The following ADA2 variants were observed in gnomAD, a reference collection of about 807,000 sequenced individuals.
The protein encoded by ADA2 is adenosine deaminase 2.
Under a neutral mutation model 44.2 loss-of-function variants are expected in ADA2, and 29 were observed. The observed-to-expected ratio is 0.66, with a 90% CI of 0.49 to 0.89. The LOEUF (loss-of-function observed/expected upper bound fraction) is 0.89. ADA2 is among the 40% of genes least tolerant of loss of function. ADA2 has a pLI of 0.00. For synonymous variants in ADA2, 215 were observed against 234.9 expected (o/e 0.92, Z 0.77); for missense variants, 637 against 644.8 (o/e 0.99, Z 0.13).
intron 4 of ADA2, among the ~76,000 whole-genome samples, chr22:17,196,320 T>TC (rs1284762409): frequency 4.0e-5 from 3 of 75,696 alleles, no homozygotes; most frequent in Non-Finnish European, 5.4e-5. Flanking sequence ...TGAAACTCCA[T>TC]CCCAAAAAAA....
intron 1 of ADA2, among the ~76,000 whole-genome samples, chr22:17,210,732 G>C (rs1401547733): frequency 6.6e-6 from 1 of 151,900 alleles, no homozygotes; most frequent in African/African-American, 2.4e-5. Flanking sequence ...CAAGTGGCTG[G>C]GACTACAGGC....
At chr22:17,193,348 G>A (rs28514865) in intron 4 of ADA2, 3 of 74,892 alleles carry the variant, frequency 4.0e-5, no homozygotes, top group South Asian at 1.8e-4. Context: ...AAATAAAACC[G>A]TAAAAACTGC....
chr22:17,200,328 G>A (rs767679073), intron 4 of ADA2, among the ~76,000 whole-genome samples: 1 of 152,094 alleles, frequency 6.6e-6, no homozygotes, highest in South Asian at 2.1e-4. Context: ...CTCAATAAAA[G>A]ATGAGACCCT....
In ADA2 at chr22:17,180,808, A is replaced by G. The variant is rs2061959930; in HGVS notation, c.*675T>C. 1 of 152,238 alleles carries G rather than the reference A, an allele frequency of 6.6e-6. No homozygotes were observed. Among genetic ancestry groups the G allele is most frequent in the Admixed American group, 6.6e-5 (1 of 15,266 alleles). 9.4% of individuals were successfully genotyped at this position (152,238 alleles called of 1,614,324 possible). A position where few individuals can be genotyped will look rare whatever the true frequency, so the allele number is the denominator to read the frequency against. ...ATGAGACCACCCAGGAAAAGTGTAC[A>G]GAGAGAGAAGAGAAATAAAGAGGAG... On this transcript the variant is annotated 3_prime_UTR_variant, in exon 10 of 10. Transcript: ENST00000399837.
chr22:17,207,922 C>T (rs2062373184), intron 2 of ADA2, among the ~76,000 whole-genome samples: 1 of 152,112 alleles, frequency 6.6e-6, no homozygotes, highest in African/African-American at 2.4e-5. Flanking sequence ...AGTTGAATCC[C>T]CATGCTTGTC....
rs1568967612 is a variant in ADA2, at chr22:17,183,454, C to CTATTTTTTTTTTTTTT, written c.1082-694_1082-693insAAAAAAAAAAAAAATA. On this transcript the variant is annotated intron_variant, in intron 7 of 9. Coordinates refer to ENST00000399837, the MANE Select transcript of ADA2 (RefSeq NM_001282225.2). ...CTTTCCTTCTTCCTCTTTTGTGGCA[C>CTATTTTTTTTTTTTTT]TCTTTTTTTTTTTTTTTTTTTTTTG... Among the ~76,000 whole-genome samples the CTATTTTTTTTTTTTTT allele has an allele frequency of 2.6e-5, 2 of 76,138 alleles. 1 individual carries two copies. The allele number at this position is 76,138 out of a possible 152,430, so 49.9% of individuals were successfully genotyped here. A position where few individuals can be genotyped will look rare whatever the true frequency, so the allele number is the denominator to read the frequency against.
intron 6 of ADA2, among the ~76,000 whole-genome samples, chr22:17,189,285 G>A (rs2062084229): frequency 6.6e-6 from 1 of 152,022 alleles, no homozygotes; most frequent in Admixed American, 6.6e-5. Context: ...CCAAAGTGCT[G>A]AGGGCATGAG....
rs112568426 is a variant in ADA2, at chr22:17,187,326, C to CT, written c.1081+1012dup. On this transcript the variant is annotated intron_variant, in intron 7 of 9. Transcript: ENST00000399837. The stretch of plus-strand genomic sequence containing the variant: ...TGAGCCACTGTACCTGGCTAAAACA[C>CT]TTTTTTTTTTGAGACAGGGTCTAGC... Among the ~76,000 whole-genome samples, 518 of 149,236 alleles carry CT rather than the reference C, an allele frequency of 3.5e-3. 3 individuals carry two copies. The highest frequency in any genetic ancestry group is 8.8e-3 in the African/African-American group (358 of 40,792).
At chr22:17,202,154 C>CAG (rs111720564) in intron 4 of ADA2, among the ~76,000 whole-genome samples, 12,570 of 146,884 alleles carry the variant, frequency 0.086, 596 homozygotes, top group Middle Eastern at 0.16. Flanking sequence ...TTTTTTGAGA[C>CAG]AGTCTCACTC....
At chr22:17,199,562 C>T (rs1414117591) in intron 4 of ADA2, 1 of 1,610,462 alleles carries the variant, frequency 6.2e-7, no homozygotes, top group Non-Finnish European at 8.5e-7. Flanking sequence ...AGCCCAGTTC[C>T]ATTCCAGGGA....
chr22:17,209,301 A>C (rs1332049111), intron 2 of ADA2, 55 bp downstream of exon 2: 1 of 1,433,200 alleles, frequency 7.0e-7, no homozygotes, highest in Non-Finnish European at 9.7e-7. Context: ...TAATAGCCCC[A>C]AGATGAGTCC....
At chr22:17,199,437 C>A in intron 4 of ADA2, 1 of 1,046,946 alleles carries the variant, frequency 9.6e-7, no homozygotes, top group Non-Finnish European at 1.5e-6. Flanking sequence ...CTCCTCTATC[C>A]TCTTCCCCTC....
chr22:17,199,440 T>TTCCCCTCCCACCCCTCCACTATCCTCA, intron 4 of ADA2: 1 of 1,027,938 alleles, frequency 9.7e-7, no homozygotes, highest in Non-Finnish European at 1.5e-6. Context: ...CTCTATCCTC[T>TTCCCCTCCCACCCCTCCACTATCCTCA]TCCCCTCCAC....
intron 9 of ADA2, 36 bp from the exon 10 acceptor site, chr22:17,181,612 G>A (rs1266313619): frequency 6.8e-7 from 1 of 1,468,424 alleles, no homozygotes; most frequent in Non-Finnish European, 9.5e-7. Flanking sequence ...CAGCCTCAGG[G>A]CAGGGGTTGG....
upstream of ADA2, among the ~76,000 whole-genome samples, chr22:17,221,451 C>T (rs1336291481): frequency 2.0e-5 from 3 of 152,098 alleles, no homozygotes; most frequent in East Asian, 1.9e-4. Context: ...CCGACCCCCC[C>T]GACAGGCCCT....
At chr22:17,211,194 A>G (rs1490335974) in intron 1 of ADA2, among the ~76,000 whole-genome samples, 1 of 151,850 alleles carries the variant, frequency 6.6e-6, no homozygotes, top group African/African-American at 2.4e-5. Flanking sequence ...AACCCGTCCT[A>G]CTAAAAATAC....
intron 3 of ADA2, among the ~76,000 whole-genome samples, chr22:17,206,031 G>A (rs1422645371): frequency 6.6e-6 from 1 of 152,122 alleles, no homozygotes; most frequent in Non-Finnish European, 1.5e-5. Flanking sequence ...TACTATACAA[G>A]TCTGTTAGGA....
intron 4 of ADA2, chr22:17,199,454 C>CCACCCCA: frequency 8.1e-7 from 1 of 1,241,392 alleles, no homozygotes; most frequent in Non-Finnish European, 1.2e-6. Context: ...CCTCCACCCA[C>CCACCCCA]GAAGATCCCA....
Position 17,182,751 on chromosome 22 carries a change from A to T in ADA2, c.1092T>A (p.Gly364=), listed in dbSNP as rs749814301. 1 of 1,611,974 alleles carries T rather than the reference A, an allele frequency of 6.2e-7. No individual in the cohort carries two copies. The highest frequency in any genetic ancestry group is 1.3e-5 in the African/African-American group (1 of 74,962). ...FFHAGETDWQ[G]TSIDRNILDA... The stretch of plus-strand genomic sequence containing the variant: ...CCAGAATGTTCCTGTCTATGGAAGT[A>T]CCCTGCCAGTCTGAACACACGGGAA... Residue 364 remains glycine (G), a synonymous_variant, in exon 8 of 10, where the codon GGT becomes GGA. Transcript: ENST00000399837.
Sources: gnomAD v4.1 joint callset for allele counts (sites outside exome capture counted in the v4.1 genomes callset) on GRCh38, gnomAD v4.1.1 for gene constraint, MANE v1.5 for transcripts, NCBI Gene and HGNC (gene_info 2026-07-23, HGNC 2026-07-21) for gene names.